MFSD12: variants seen among roughly 807,000 people sequenced by gnomAD.
The protein encoded by MFSD12 is major facilitator superfamily domain containing 12.
Under a neutral mutation model 51.2 loss-of-function variants are expected in MFSD12, and 67 were observed. The observed-to-expected ratio is 1.31, with a 90% CI of 1.08 to 1.60. The LOEUF (loss-of-function observed/expected upper bound fraction) is 1.60. MFSD12 is among the 40% of genes most tolerant of loss of function. The pLI is 0.00. For missense variants in MFSD12, 921 were observed against 673.0 expected, an observed-to-expected ratio of 1.37 and a Z score of -4.08; for synonymous variants, 441 against 316.7, an observed-to-expected ratio of 1.39 and a Z score of -4.17.
intron 1 of MFSD12, among the ~76,000 whole-genome samples, chr19:3,552,422 C>T (rs1248629853): frequency 6.7e-6 from 1 of 150,138 alleles, no homozygotes; most frequent in Non-Finnish European, 1.5e-5. Flanking sequence ...CCCGCCTCGG[C>T]CTCTCAAAGT....
chr19:3,544,504 AC>A lies in MFSD12; in HGVS notation c.*205del. On this transcript the variant is annotated 3_prime_UTR_variant, in exon 10 of 10. Transcript: ENST00000355415. ...GATGGATTAGAGTTGAGAATGGGACACCCTCAAAACCCAGGGGGTCCTTGCA... is the reference window on the plus strand; with the variant it reads ...GATGGATTAGAGTTGAGAATGGGACACCTCAAAACCCAGGGGGTCCTTGCA... 1 of 1,397,202 alleles carries A rather than the reference AC, an allele frequency of 7.2e-7. No homozygotes were observed. The highest frequency in any genetic ancestry group is 9.3e-7 in the Non-Finnish European group (1 of 1,078,310). The allele number at this position is 1,397,202 out of a possible 1,614,324, so 86.6% of individuals were successfully genotyped here.
rs745473771 is a variant in MFSD12, at chr19:3,544,842, T to C, written c.1387A>G (p.Ser463Gly). ...AGGCGGGTCGGCCACAGCAGGAGGCTACAGAGACACAGGGCAGCGGCCACG... is the reference window on the plus strand; with the variant it reads ...AGGCGGGTCGGCCACAGCAGGAGGCCACAGAGACACAGGGCAGCGGCCACG... Reference protein sequence around the residue: ...VGVAAALCLCSLLLWPTRLRR... With the variant: ...VGVAAALCLCGLLLWPTRLRR... Residue 463 changes from serine to glycine, a missense_variant, in exon 9 of 10, where the codon AGC (serine) becomes GGC (glycine). By Grantham distance (56) the Ser-to-Gly change is moderately conservative. Coordinates refer to ENST00000355415, the MANE Select transcript of MFSD12 (RefSeq NM_174983.5). 1.9e-6 allele frequency: 3 copies of C among 1,612,436 alleles called. No individual in the cohort carries two copies. Among genetic ancestry groups the C allele is most frequent in the Non-Finnish European group, 2.5e-6 (3 of 1,179,684 alleles).
downstream of MFSD12, chr19:3,539,475 A>G: frequency 1.8e-6 from 1 of 550,234 alleles, no homozygotes; most frequent in Non-Finnish European, 3.3e-6. Flanking sequence ...GCCAAGAACA[A>G]ATGTGTCTGC....
At chr19:3,547,734 G>T in intron 4 of MFSD12, 114 bp downstream of exon 4, 1 of 1,309,190 alleles carries the variant, frequency 7.6e-7, no homozygotes, top group South Asian at 1.5e-5. Context: ...CCCTGGGTGT[G>T]GGCTGCACCA....
chr19:3,556,918 G>A (rs1420353278), intron 1 of MFSD12, among the ~76,000 whole-genome samples, 188 bp downstream of exon 1: 1 of 152,064 alleles, frequency 6.6e-6, no homozygotes, highest in East Asian at 1.9e-4. Flanking sequence ...AGGGCAGACA[G>A]ATACATAGGG....
chr19:3,546,191 G>C (rs2031022710), intron 7 of MFSD12, 23 bp from the exon 8 acceptor site: 3 of 1,611,180 alleles, frequency 1.9e-6, no homozygotes. Context: ...AGGCGAGGTG[G>C]TCAGCGTGCA....
In MFSD12 at chr19:3,547,487, T is replaced by C. The variant is rs1370481339; in HGVS notation, c.898A>G (p.Met300Val). Residue 300 changes from methionine (M) to valine (V), a missense_variant, in exon 5 of 10, where the codon ATG (methionine) becomes GTG (valine). By Grantham distance (21) the Met-to-Val change is conservative (BLOSUM62 1). Transcript: ENST00000355415. ...AGGTGGAGCGAGTAGGTGAGGTACA[T>C]GGCCATGTAGGTCTGGGACAGGTTC... ...IVNLSQTYMA[M>V]YLTYSLHLPK... The C allele has an allele frequency of 3.1e-6, 5 of 1,613,146 alleles. No homozygotes were observed. The highest frequency in any genetic ancestry group is 2.2e-5 in the East Asian group (1 of 44,858).
chr19:3,548,417 G>A lies in MFSD12; in HGVS notation c.510-150C>T, dbSNP rs528885487. 57 of 1,042,926 alleles carry A rather than the reference G, an allele frequency of 5.5e-5. No homozygotes were observed. In the East Asian group the frequency reaches 6.4e-4, roughly 12 times the overall value. 64.6% of individuals were successfully genotyped at this position (1,042,926 alleles called of 1,614,324 possible). A position where few individuals can be genotyped will look rare whatever the true frequency, so the allele number is the denominator to read the frequency against. Reference sequence around the variant, plus strand: ...ACACTGGGTGGCCTCCAGGAAGCCCGTGCTGGCCTCAGTTTCCCCAGCCCG... The same window carrying A: ...ACACTGGGTGGCCTCCAGGAAGCCCATGCTGGCCTCAGTTTCCCCAGCCCG... On this transcript the variant is annotated intron_variant, in intron 2 of 9. Coordinates refer to ENST00000355415, the MANE Select transcript of MFSD12 (RefSeq NM_174983.5).
intron 7 of MFSD12, 25 bp downstream of exon 7, chr19:3,546,230 A>C (rs766810177): frequency 6.2e-7 from 1 of 1,604,188 alleles, no homozygotes; most frequent in Middle Eastern, 1.7e-4. Flanking sequence ...GGCCTCCCCC[A>C]CCCCAGCCTG....
At chr19:3,552,656 T>G (rs1299296889) in intron 1 of MFSD12, among the ~76,000 whole-genome samples, 2 of 151,478 alleles carry the variant, frequency 1.3e-5, no homozygotes, top group African/African-American at 4.9e-5. Flanking sequence ...AGCTAATGTT[T>G]GTATTTTTGG....
chr19:3,543,258 G>C, downstream of MFSD12: 1 of 1,546,442 alleles, frequency 6.5e-7, no homozygotes. Flanking sequence ...TCCCTGGAGG[G>C]TTCCCGCTGG....
intron 1 of MFSD12, among the ~76,000 whole-genome samples, chr19:3,553,005 G>C (rs1256993894): frequency 1.3e-5 from 2 of 152,092 alleles, no homozygotes; most frequent in African/African-American, 4.8e-5. Flanking sequence ...CCTCCCTCCG[G>C]AGGTGACCTC....
At chr19:3,546,577 A>C (rs2031077195) in intron 6 of MFSD12, 152 bp from the exon 7 acceptor site, 1 of 902,110 alleles carries the variant, frequency 1.1e-6, no homozygotes, top group Non-Finnish European at 1.7e-6. Context: ...CACAACACCG[A>C]GGCTCTGCAG....
At chr19:3,550,492 C>T (rs1235030331) in intron 2 of MFSD12, among the ~76,000 whole-genome samples, 3 of 151,740 alleles carry the variant, frequency 2.0e-5, no homozygotes, top group African/African-American at 4.8e-5. Flanking sequence ...CCCGGGTTCA[C>T]ACCATTCTCC....
downstream of MFSD12, chr19:3,542,590 C>G (rs2049535820): frequency 2.6e-6 from 2 of 762,690 alleles, no homozygotes; most frequent in African/African-American, 3.8e-5. Flanking sequence ...TCTCCTGCCT[C>G]AGCCTCCTGA....
intron 6 of MFSD12, 63 bp from the exon 7 acceptor site, chr19:3,546,488 T>C: frequency 6.6e-7 from 1 of 1,520,868 alleles, no homozygotes; most frequent in East Asian, 2.4e-5. Flanking sequence ...GGCGCTTCAA[T>C]CCGCCACCCC....
rs201470615 is a variant in MFSD12 at position 3,547,255 on chromosome 19, G to A, written c.1023+17C>T. 1.9e-5 allele frequency: 31 copies of A among 1,607,752 alleles called. No homozygotes were observed. Among genetic ancestry groups the A allele is most frequent in the South Asian group, 4.4e-5 (4 of 90,952 alleles). ...CCCATCCTCCGCCCCAGCTGTCCCCGGTCCCCGCCCACTCACGTTCCTCCC... is the reference window on the plus strand; with the variant it reads ...CCCATCCTCCGCCCCAGCTGTCCCCAGTCCCCGCCCACTCACGTTCCTCCC... On this transcript the variant is annotated intron_variant, in intron 6 of 9. Coordinates refer to ENST00000355415, the MANE Select transcript of MFSD12 (RefSeq NM_174983.5).
downstream of MFSD12, chr19:3,543,293 C>T (rs990754264): frequency 1.9e-5 from 30 of 1,548,658 alleles, no homozygotes; most frequent in East Asian, 7.3e-5. Flanking sequence ...GCAGGCCACA[C>T]GCTGGAAGTA....
downstream of MFSD12, chr19:3,543,175 A>C: frequency 6.6e-7 from 1 of 1,523,306 alleles, no homozygotes. Flanking sequence ...AGACATCGCA[A>C]AGGGGTCAAA....
Sources: allele counts gnomAD v4.1 joint callset (sites outside exome capture counted in the v4.1 genomes callset), GRCh38; gene constraint gnomAD v4.1.1; transcripts MANE v1.5; gene names NCBI Gene and HGNC (gene_info 2026-07-23, HGNC 2026-07-21).